Variants in IQSEC1 observed in about 807,000 individuals in gnomAD.
The protein encoded by IQSEC1 is IQ motif and SEC7 domain-containing protein 1.
A neutral mutation model predicts 91.0 loss-of-function variants in IQSEC1; 31 were observed. That is an observed-to-expected ratio of 0.34 (90% CI 0.26 to 0.46). The LOEUF (loss-of-function observed/expected upper bound fraction) is 0.46. Ranked by LOEUF, IQSEC1 falls within the 20% of genes least tolerant of loss-of-function variation. The pLI, the probability that IQSEC1 is intolerant of heterozygous loss-of-function variation, is 1.00. For synonymous variants in IQSEC1, 699 were observed against 662.6 expected (o/e 1.05, Z -0.84); for missense variants, 1,388 against 1,575.6 (o/e 0.88, Z 2.02).
intron 6 of IQSEC1, among the ~76,000 whole-genome samples, chr3:12,919,584 T>C (rs1181483892): frequency 6.6e-6 from 1 of 152,212 alleles, no homozygotes; most frequent in Non-Finnish European, 1.5e-5. Context: ...AATGAACAGC[T>C]TTGTCAGCTC....
At chr3:12,941,918 G>C (rs543282666) in intron 1 of IQSEC1, 53 bp from the exon 2 acceptor site, 1 of 1,482,092 alleles carries the variant, frequency 6.7e-7, no homozygotes, top group Non-Finnish European at 9.1e-7. Context: ...ATCTGAACAC[G>C]ACACCGGGCC....
At chr3:12,995,466 T>C (rs1035247024) in intron 1 of IQSEC1, among the ~76,000 whole-genome samples, 21 of 152,332 alleles carry the variant, frequency 1.4e-4, no homozygotes, top group Admixed American at 1.1e-3. Flanking sequence ...GGATTATTCA[T>C]TTACTTGAGG....
chr3:13,051,841 G>T (rs1704702811), intron 1 of IQSEC1, among the ~76,000 whole-genome samples: 1 of 152,058 alleles, frequency 6.6e-6, no homozygotes, highest in South Asian at 2.1e-4. Context: ...ACACCCTGGG[G>T]TGCTTTTAAG....
chr3:13,129,077 G>A (rs1032805511), intron 2 of IQSEC1, among the ~76,000 whole-genome samples: 3 of 152,084 alleles, frequency 2.0e-5, no homozygotes, highest in African/African-American at 7.2e-5. Flanking sequence ...TTCTTTAAAT[G>A]TTTGATGGAG....
At chr3:13,091,233 G>C (rs549159466) in intron 2 of IQSEC1, among the ~76,000 whole-genome samples, 4 of 152,296 alleles carry the variant, frequency 2.6e-5, no homozygotes, top group Non-Finnish European at 1.5e-5. Context: ...CACTCTCCGA[G>C]GGCAGCAGCA....
At position 12,915,679 on chromosome 3, in the gene IQSEC1, C is replaced by T. The variant is rs777017219; in HGVS notation, c.2075G>A (p.Arg692Gln). Residue 692 changes from arginine to glutamine, a missense_variant, in exon 7 of 14, where the codon CGG becomes CAG. Arg to Gln is a conservative substitution (Grantham distance 43, BLOSUM62 1). Around this residue, in one of 2 missense-constraint regions of IQSEC1, gnomAD observed 1,059 missense variants for 1,317.8 expected, o/e 0.80. Coordinates refer to ENST00000613206, the MANE Select transcript of IQSEC1 (RefSeq NM_001134382.3). ...PREMLMGIYE[R>Q]IRKRELKTNE... ...GGTCTTTAGCTCTCGCTTACGGATCCGTTCATAGATCCCCATCAGCATCTC... is the reference window on the plus strand; with the variant it reads ...GGTCTTTAGCTCTCGCTTACGGATCTGTTCATAGATCCCCATCAGCATCTC... The T allele has an allele frequency of 1.9e-6, 3 of 1,614,138 alleles. No homozygotes were observed. The highest frequency in any genetic ancestry group is 2.5e-6 in the Non-Finnish European group (3 of 1,180,002).
intron 1 of IQSEC1, among the ~76,000 whole-genome samples, chr3:13,273,598 C>A (rs564918753): frequency 7.9e-5 from 12 of 152,304 alleles, no homozygotes; most frequent in African/African-American, 2.9e-4. Context: ...CCCCAGCCCA[C>A]GTGCTCCTGC....
intron 1 of IQSEC1, chr3:13,052,948 C>T (rs1704742886): frequency 6.4e-6 from 7 of 1,085,896 alleles, no homozygotes; most frequent in African/African-American, 1.5e-5. Context: ...AATATGTGTG[C>T]CATCTCATGT....
At chr3:13,178,035 A>C (rs9849323) in intron 1 of IQSEC1, among the ~76,000 whole-genome samples, 4,997 of 152,302 alleles carry the variant, frequency 0.033, 267 homozygotes, top group African/African-American at 0.11. Context: ...ATGCTGCCAA[A>C]ACACCCTGAA....
rs953200857 is a variant in IQSEC1, at chr3:13,282,617, A to C, written c.272+94T>G. 1.3e-5 allele frequency among the ~76,000 whole-genome samples: 2 copies of C among 149,438 alleles called. No individual in the cohort carries two copies. Among genetic ancestry groups the C allele is most frequent in the African/African-American group, 2.5e-5 (1 of 40,540 alleles). ...CCGGGCCGGCCACGCGCCCTCCCGCACCCGCCCACCTCCCCGCCAAGCCCC... is the reference window on the plus strand; with the variant it reads ...CCGGGCCGGCCACGCGCCCTCCCGCCCCCGCCCACCTCCCCGCCAAGCCCC... On this transcript the variant is annotated intron_variant, in intron 1 of 15. Transcript: ENST00000648114. The surrounding 1 kb of genome is among the most constrained non-coding windows in gnomAD (Gnocchi z 6.4).
chr3:13,277,291 C>CG (rs1240238332), intron 1 of IQSEC1, among the ~76,000 whole-genome samples: 1 of 152,108 alleles, frequency 6.6e-6, no homozygotes, highest in African/African-American at 2.4e-5. Flanking sequence ...TCACTCCCCC[C>CG]GGCACAGCAA....
At position 13,044,644 on chromosome 3, in the gene IQSEC1, C is replaced by T. The variant is rs139562233; in HGVS notation, c.23+28348G>A. On this transcript the variant is annotated intron_variant, in intron 1 of 13. Coordinates refer to ENST00000613206, the MANE Select transcript of IQSEC1 (RefSeq NM_001134382.3). ...GTGATGAGCCTGTTTGGCAAGGTAG[C>T]ACAGGCGGGGCCAGCAGCCCTGAAG... Among the ~76,000 whole-genome samples, 24 of 152,346 alleles carry T rather than the reference C, an allele frequency of 1.6e-4. No homozygotes were observed. The East Asian group carries it at 4.1e-3, about 26-fold the overall frequency.
At chr3:13,151,414 C>A (rs943922498) in intron 2 of IQSEC1, among the ~76,000 whole-genome samples, 1 of 152,128 alleles carries the variant, frequency 6.6e-6, no homozygotes, top group African/African-American at 2.4e-5. Context: ...CCAACAGGGG[C>A]TGTTTATTAG....
At chr3:13,180,081 C>A (rs1169600866) in intron 1 of IQSEC1, among the ~76,000 whole-genome samples, 2 of 146,806 alleles carry the variant, frequency 1.4e-5, no homozygotes, top group African/African-American at 5.0e-5. Context: ...CCATCCACCA[C>A]CCAAGGGCTG....
intron 1 of IQSEC1, among the ~76,000 whole-genome samples, chr3:12,982,779 C>T (rs996181911): frequency 2.6e-5 from 4 of 152,228 alleles, no homozygotes. Flanking sequence ...AGCTGCCTGC[C>T]TGTGGTGGGG....
At chr3:13,275,833 A>G (rs913863825) in intron 1 of IQSEC1, among the ~76,000 whole-genome samples, 2 of 152,334 alleles carry the variant, frequency 1.3e-5, no homozygotes, top group East Asian at 3.9e-4. Context: ...AAGAGGTGGC[A>G]GTCGGGTGCA....
At chr3:13,274,870 C>G (rs1481193209) in intron 1 of IQSEC1, among the ~76,000 whole-genome samples, 3 of 152,234 alleles carry the variant, frequency 2.0e-5, no homozygotes, top group Admixed American at 6.5e-5. Flanking sequence ...GGTGACAAAG[C>G]TACATTCATT....
intron 13 of IQSEC1, 129 bp downstream of exon 13, chr3:12,902,643 CA>C (rs369432677): frequency 0.034 from 9,779 of 286,214 alleles, no homozygotes; most frequent in Middle Eastern, 0.039. Context: ...AAGGAAAAGC[CA>C]AAAAAAAAAA....
rs551025642 is a variant in IQSEC1, at chr3:12,953,869, C to A, written c.24-12004G>T. Reference sequence around the variant, plus strand: ...TGGTTTCCTACCTGCACAGTGGGGGCAAGGCCGCCCCTTCACAGCATCACA... The same window carrying A: ...TGGTTTCCTACCTGCACAGTGGGGGAAAGGCCGCCCCTTCACAGCATCACA... On this transcript the variant is annotated intron_variant, in intron 1 of 13. Transcript: ENST00000613206. 3.3e-5 allele frequency among the ~76,000 whole-genome samples: 5 copies of A among 152,326 alleles called. No homozygotes were observed. In the East Asian group the frequency reaches 9.6e-4, roughly 29 times the overall value.
Sources: gnomAD v4.1 joint callset for allele counts (sites outside exome capture counted in the v4.1 genomes callset) on GRCh38, gnomAD v4.1.1 for gene constraint, gnomAD v4.1.1 regional missense constraint, Gnocchi (gnomAD v3.1) non-coding constraint, MANE v1.5 for transcripts, NCBI Gene and HGNC (gene_info 2026-07-23, HGNC 2026-07-21) for gene names.